Variants in IMPG2 observed in about 807,000 individuals in gnomAD.
IMPG2 encodes interphotoreceptor matrix proteoglycan 2.
In IMPG2, 91 loss-of-function variants were observed where a neutral mutation model predicts 129.2. The ratio of observed to expected loss-of-function variants is 0.70; its 90% CI spans 0.59 to 0.84. IMPG2 has a LOEUF of 0.84. Among genes scored for constraint, IMPG2 ranks in the 40% least tolerant of loss-of-function variants. The pLI is 0.00. For synonymous variants in IMPG2, 510 were observed against 517.7 expected (o/e 0.99, Z 0.20); for missense variants, 1,430 against 1,461.7 (o/e 0.98, Z 0.35).
At position 101,253,783 on chromosome 3, in the gene IMPG2, T is replaced by C. The variant is rs759788155; in HGVS notation, c.1154-2A>G. 4.4e-6 allele frequency: 7 copies of C among 1,602,038 alleles called. No homozygotes were observed. Among genetic ancestry groups the C allele is most frequent in the Non-Finnish European group, 4.3e-6 (5 of 1,171,202 alleles). On this transcript the variant is annotated splice_acceptor_variant, in intron 10 of 18. Coordinates refer to ENST00000193391, the MANE Select transcript of IMPG2 (RefSeq NM_016247.4). LOFTEE classifies it high-confidence loss of function. The stretch of plus-strand genomic sequence containing the variant: ...TTTGGTGACGCAAAACTCCTCTCAC[T>C]GAGGAAAGAACAATATTAAAGAACA...
chr3:101,291,727 G>C (rs918673270), intron 3 of IMPG2, among the ~76,000 whole-genome samples: 1 of 152,166 alleles, frequency 6.6e-6, no homozygotes, highest in African/African-American at 2.4e-5. Flanking sequence ...TATATGCACA[G>C]AAGTTCCTAT....
intron 9 of IMPG2, among the ~76,000 whole-genome samples, chr3:101,261,729 AACAG>A (rs1410121589): frequency 6.6e-6 from 1 of 152,112 alleles, no homozygotes; most frequent in Non-Finnish European, 1.5e-5. Flanking sequence ...TGTGACTCAG[AACAG>A]ACAGAGTTCT....
intron 10 of IMPG2, among the ~76,000 whole-genome samples, 198 bp downstream of exon 10, chr3:101,257,331 C>T (rs1706621465): frequency 6.6e-6 from 1 of 152,100 alleles, no homozygotes; most frequent in African/African-American, 2.4e-5. Context: ...GGCCTTTTGT[C>T]TACAAATATT....
rs995196026 is a variant in IMPG2 at position 101,232,469 on chromosome 3, C to A, written c.3233+312G>T. Among the ~76,000 whole-genome samples, 4 of 152,206 alleles carry A rather than the reference C, an allele frequency of 2.6e-5. No homozygotes were observed. In the East Asian group the frequency reaches 7.8e-4, roughly 30 times the overall value. ...GCCAGGATGGTCTCAATCTCCCGAC[C>A]TCAGGTGATCCACCCACCTTGGCCT... On this transcript the variant is annotated intron_variant, in intron 15 of 18. Transcript: ENST00000193391.
intron 9 of IMPG2, among the ~76,000 whole-genome samples, chr3:101,261,359 A>G (rs1373427386): frequency 6.6e-6 from 1 of 152,182 alleles, no homozygotes; most frequent in Non-Finnish European, 1.5e-5. Flanking sequence ...TCAGACAAGG[A>G]GAGTCAAGCA....
chr3:101,229,318 C>CGGG, intron 17 of IMPG2, 62 bp downstream of exon 17: 1 of 1,136,290 alleles, frequency 8.8e-7, no homozygotes, highest in East Asian at 2.7e-5. Context: ...CCACCACCCC[C>CGGG]TGCTCCCCCA....
At position 101,245,916 on chromosome 3, in the gene IMPG2, C is replaced by G. The variant is rs1459203371; in HGVS notation, c.1429G>C (p.Glu477Gln). ...GTCAAGCTGCTAACCTCTAAAACCT[C>G]TGGGGAAGAGCTGAGGCCCATCTTC... ...PSKMGLSSSP[E>Q]VLEVSSLTLH... Residue 477 changes from glutamate (E) to glutamine (Q), a missense_variant, in exon 12 of 19, where the codon GAG becomes CAG. Physicochemically the swap from Glu to Gln is conservative, Grantham distance 29 (BLOSUM62 2). Transcript: ENST00000193391. The G allele has an allele frequency of 2.5e-6, 4 of 1,614,146 alleles. No homozygotes were observed. Among genetic ancestry groups the G allele is most frequent in the Non-Finnish European group, 8.5e-7 (1 of 1,180,002 alleles).
chr3:101,267,553 A>G lies in IMPG2; in HGVS notation c.888-22T>C, dbSNP rs772222077. The G allele has an allele frequency of 1.7e-5, 27 of 1,598,764 alleles. No homozygotes were observed. The East Asian group carries it at 6.0e-4, about 36-fold the overall frequency. Reference sequence around the variant, plus strand: ...GGACCTGAAAACAAAAATTAAAAATATTAAACAGAGTTTGAGACAGTTATT... The same window carrying G: ...GGACCTGAAAACAAAAATTAAAAATGTTAAACAGAGTTTGAGACAGTTATT... On this transcript the variant is annotated intron_variant, in intron 8 of 18. Transcript: ENST00000193391.
At chr3:101,312,340 A>G (rs1707271032) in intron 2 of IMPG2, among the ~76,000 whole-genome samples, 1 of 152,114 alleles carries the variant, frequency 6.6e-6, no homozygotes, top group South Asian at 2.1e-4. Context: ...AAGACAAATA[A>G]CATAATTTAA....
chr3:101,250,236 G>C (rs1354386861), intron 11 of IMPG2, among the ~76,000 whole-genome samples: 1 of 152,176 alleles, frequency 6.6e-6, no homozygotes, highest in African/African-American at 2.4e-5. Context: ...GAGGGTCTAA[G>C]TTATTCTGAG....
chr3:101,229,200 G>A (rs1230658701), intron 17 of IMPG2, among the ~76,000 whole-genome samples, 180 bp downstream of exon 17: 1 of 150,552 alleles, frequency 6.6e-6, no homozygotes, highest in Non-Finnish European at 1.5e-5. Flanking sequence ...TTAATACTCT[G>A]TGCATATCAT....
Position 101,319,642 on chromosome 3 carries a change from G to A in IMPG2, c.276C>T (p.Cys92=), listed in dbSNP as rs913488266. ...CAGCCTCTGCAACACTTTCATCTGGGCAGATTTTCACTCCATTAGGAAACA... is the reference window on the plus strand; with the variant it reads ...CAGCCTCTGCAACACTTTCATCTGGACAGATTTTCACTCCATTAGGAAACA... ...SILFPNGVKI[C]PDESVAEAVA... The change falls in exon 2 of 19, where the codon TGC becomes TGT. Residue 92 remains cysteine (C), a synonymous_variant. Coordinates refer to ENST00000193391, the MANE Select transcript of IMPG2 (RefSeq NM_016247.4). The A allele has an allele frequency of 4.3e-6, 7 of 1,613,660 alleles. No homozygotes were observed. Among genetic ancestry groups the A allele is most frequent in the Middle Eastern group, 3.3e-4 (2 of 6,060 alleles).
intron 3 of IMPG2, among the ~76,000 whole-genome samples, chr3:101,300,252 T>G (rs1481757096): frequency 2.0e-5 from 3 of 152,220 alleles, no homozygotes; most frequent in Admixed American, 2.0e-4. Flanking sequence ...CCTCCCTGGC[T>G]CCAGCAGGGG....
rs1706190072 is a variant in IMPG2, at chr3:101,223,795, A to G, written c.*3174T>C. On this transcript the variant is annotated 3_prime_UTR_variant, in exon 19 of 19. Coordinates refer to ENST00000193391, the MANE Select transcript of IMPG2 (RefSeq NM_016247.4). ...GGTGACAGATAATGCAGAAGAAGAAAACAGAAGGTGAGAATAAAATCAGGT... is the reference window on the plus strand; with the variant it reads ...GGTGACAGATAATGCAGAAGAAGAAGACAGAAGGTGAGAATAAAATCAGGT... 1 of 152,228 alleles carries G rather than the reference A, an allele frequency of 6.6e-6. No homozygotes were observed. Among genetic ancestry groups the G allele is most frequent in the South Asian group, 2.1e-4 (1 of 4,830 alleles). 9.4% of individuals were successfully genotyped at this position (152,228 alleles called of 1,614,324 possible). A position where few individuals can be genotyped will look rare whatever the true frequency, so the allele number is the denominator to read the frequency against.
Position 101,229,506 on chromosome 3 carries a change from T to C in IMPG2, c.3507A>G (p.Gly1169=), listed in dbSNP as rs777615670. The part of the protein sequence containing the change: ...YNPVYESHRA[G]CEKYEGPYPQ... ...GATAGGGTCCCTCATACTTCTCACA[T>C]CCAGCCCTGTGACTTTCATACACGG... Residue 1169 remains glycine (G), a synonymous_variant, in exon 17 of 19, where the codon GGA becomes GGG. Transcript: ENST00000193391. 1.9e-6 allele frequency: 3 copies of C among 1,613,712 alleles called. No homozygotes were observed. Among genetic ancestry groups the C allele is most frequent in the East Asian group, 2.2e-5 (1 of 44,888 alleles).
chr3:101,235,416 T>G lies in IMPG2; in HGVS notation c.3023-2425A>C, dbSNP rs534158834. ...ATTAGGAATGCTTAACCACTATACA[T>G]GTAGTAAAATGATTCTATTTAAAAA... On this transcript the variant is annotated intron_variant, in intron 14 of 18. Coordinates refer to ENST00000193391, the MANE Select transcript of IMPG2 (RefSeq NM_016247.4). 1.1e-4 allele frequency among the ~76,000 whole-genome samples: 16 copies of G among 152,324 alleles called. No homozygotes were observed. In the South Asian group the frequency reaches 3.1e-3, roughly 30 times the overall value.
At chr3:101,261,735 C>G (rs915727828) in intron 9 of IMPG2, among the ~76,000 whole-genome samples, 2 of 152,002 alleles carry the variant, frequency 1.3e-5, no homozygotes, top group Non-Finnish European at 2.9e-5. Context: ...TCAGAACAGA[C>G]AGAGTTCTGG....
intron 7 of IMPG2, among the ~76,000 whole-genome samples, chr3:101,271,966 G>A (rs980142076): frequency 1.3e-5 from 2 of 152,076 alleles, no homozygotes; most frequent in Admixed American, 1.3e-4. Context: ...ACTATGTGAG[G>A]ATCACACCGA....
chr3:101,224,365 T>A lies in IMPG2; in HGVS notation c.*2604A>T. On this transcript the variant is annotated 3_prime_UTR_variant, in exon 19 of 19. Coordinates refer to ENST00000193391, the MANE Select transcript of IMPG2 (RefSeq NM_016247.4). ...TTTATAATAACATTTTTAAAATGGT[T>A]ATTTACCATGCATTTTATTGCTAAC... 1 of 152,252 alleles carries A rather than the reference T, an allele frequency of 6.6e-6. No homozygotes were observed. The highest frequency in any genetic ancestry group is 1.5e-5 in the Non-Finnish European group (1 of 68,038). The allele number at this position is 152,252 out of a possible 1,614,324, so 9.4% of individuals were successfully genotyped here.
Sources: gnomAD v4.1 joint callset for allele counts (sites outside exome capture counted in the v4.1 genomes callset) on GRCh38, gnomAD v4.1.1 for gene constraint, MANE v1.5 for transcripts, NCBI Gene and HGNC (gene_info 2026-07-23, HGNC 2026-07-21) for gene names.